ERC1: variants seen among roughly 807,000 people sequenced by gnomAD.
ERC1 encodes the protein ELKS/RAB6-interacting/CAST family member 1, also known as RAB6 interacting protein 2.
A neutral mutation model predicts 132.0 loss-of-function variants in ERC1; 56 were observed. The ratio of observed to expected loss-of-function variants is 0.42; its 90% CI spans 0.34 to 0.53. The LOEUF (loss-of-function observed/expected upper bound fraction) is 0.53, where lower values mean the gene tolerates loss of function less well. Among genes scored for constraint, ERC1 ranks in the 20% least tolerant of loss-of-function variants. The pLI, the probability that ERC1 is intolerant of heterozygous loss-of-function variation, is 0.03. For synonymous variants in ERC1, 478 were observed against 476.1 expected (o/e 1.00, Z -0.05); for missense variants, 1,202 against 1,349.9 (o/e 0.89, Z 1.72).
intron 16 of ERC1, chr12:1,380,800 AT>A (rs2088560406): frequency 6.6e-6 from 1 of 152,288 alleles, no homozygotes; most frequent in African/African-American, 2.4e-5. Context: ...TCATCATACT[AT>A]TAAAACTGTT....
chr12:1,145,265 C>T (rs529238938), intron 8 of ERC1, among the ~76,000 whole-genome samples: 5 of 152,288 alleles, frequency 3.3e-5, no homozygotes, highest in South Asian at 4.2e-4. Context: ...GATCCACCCG[C>T]CTCGGCCTCC....
intron 11 of ERC1, among the ~76,000 whole-genome samples, chr12:1,184,911 C>G (rs1954902211): frequency 6.6e-6 from 1 of 152,068 alleles, no homozygotes; most frequent in Non-Finnish European, 1.5e-5. Flanking sequence ...TGCCACAACA[C>G]CTGGCTAAGT....
At chr12:1,305,520 G>A (rs113747090) in intron 15 of ERC1, among the ~76,000 whole-genome samples, 2 of 152,116 alleles carry the variant, frequency 1.3e-5, no homozygotes, top group South Asian at 2.1e-4. Context: ...CCCCACCCCC[G>A]TAAGTTATTT....
intron 15 of ERC1, among the ~76,000 whole-genome samples, chr12:1,338,329 G>A (rs1208609015): frequency 6.6e-6 from 1 of 152,120 alleles, no homozygotes; most frequent in Non-Finnish European, 1.5e-5. Flanking sequence ...CTATTCTGCT[G>A]TTAATACTTG....
At chr12:991,085 GC>G (rs1374581100), upstream of ERC1, 1 of 151,532 alleles carries the variant, frequency 6.6e-6, no homozygotes, top group Admixed American at 6.6e-5. Flanking sequence ...AGGCCCCCGG[GC>G]CGCCGCGTCA....
At position 1,124,823 on chromosome 12, in the gene ERC1, CAAG is replaced by C. The variant is rs566540896; in HGVS notation, c.1569+8796_1569+8798del. Among the ~76,000 whole-genome samples the C allele has an allele frequency of 7.9e-5, 12 of 151,940 alleles. No individual in the cohort carries two copies. The East Asian group carries it at 2.1e-3, about 27-fold the overall frequency. On this transcript the variant is annotated intron_variant, in intron 7 of 18. Coordinates refer to ENST00000360905, the MANE Select transcript of ERC1 (RefSeq NM_178040.4). Reference sequence around the variant, plus strand: ...ATTATATTCGAATAAGCTTGAAAAACAAGAAGAAATAAGTTTCTGGAAAAATAT... The same window carrying C: ...ATTATATTCGAATAAGCTTGAAAAACAAGAAATAAGTTTCTGGAAAAATAT...
intron 1 of ERC1, among the ~76,000 whole-genome samples, chr12:1,014,979 GT>G (rs1484852866): frequency 6.6e-6 from 1 of 151,582 alleles, no homozygotes; most frequent in Non-Finnish European, 1.5e-5. Context: ...GGCTAGGCTG[GT>G]CCCGAACTCC....
chr12:1,281,583 T>C (rs931552695), intron 14 of ERC1, among the ~76,000 whole-genome samples: 7 of 152,348 alleles, frequency 4.6e-5, no homozygotes, highest in African/African-American at 9.6e-5. Flanking sequence ...TCCTCCCTTC[T>C]TCCAGGAGCT....
In ERC1 at chr12:1,225,450, ACACACACACAC is replaced by A. The variant is rs1238961781; in HGVS notation, c.2352-11318_2352-11308del. 2.1e-3 allele frequency among the ~76,000 whole-genome samples: 108 copies of A among 50,826 alleles called. 2 individuals are homozygous for A. Among genetic ancestry groups the A allele is most frequent in the African/African-American group, 5.0e-3 (80 of 16,134 alleles). The allele number at this position is 50,826 out of a possible 152,430, so 33.3% of individuals were successfully genotyped here. A position where few individuals can be genotyped will look rare whatever the true frequency, so the allele number is the denominator to read the frequency against. ...GGACAACAAAATGAGGCTGTCTCTTACACACACACACACACACACACACACACACACACACA... is the reference window on the plus strand; with the variant it reads ...GGACAACAAAATGAGGCTGTCTCTTAACACACACACACACACACACACACA... On this transcript the variant is annotated intron_variant, in intron 12 of 18. Coordinates refer to ENST00000360905, the MANE Select transcript of ERC1 (RefSeq NM_178040.4).
At chr12:1,339,802 G>T (rs1034531751) in intron 15 of ERC1, among the ~76,000 whole-genome samples, 1 of 152,160 alleles carries the variant, frequency 6.6e-6, no homozygotes, top group Non-Finnish European at 1.5e-5. Flanking sequence ...GGGAGGGTCT[G>T]CTGTCCTCTG....
intron 8 of ERC1, among the ~76,000 whole-genome samples, chr12:1,162,347 C>T (rs2154261265): frequency 6.6e-6 from 1 of 152,308 alleles, no homozygotes; most frequent in Non-Finnish European, 1.5e-5. Flanking sequence ...TAAAATTGTA[C>T]AGCTTCTTGC....
At chr12:1,126,587 G>A (rs1159490257) in intron 7 of ERC1, among the ~76,000 whole-genome samples, 2 of 152,150 alleles carry the variant, frequency 1.3e-5, no homozygotes, top group Non-Finnish European at 2.9e-5. Flanking sequence ...TCAAATTTAA[G>A]CATTTCTGTT....
intron 12 of ERC1, among the ~76,000 whole-genome samples, chr12:1,219,590 C>G (rs1013795753): frequency 6.6e-6 from 1 of 151,498 alleles, no homozygotes; most frequent in Non-Finnish European, 1.5e-5. Context: ...GCTTCTATAT[C>G]ACTTCTGTAC....
chr12:1,373,132 A>G (rs1253438169), intron 16 of ERC1, among the ~76,000 whole-genome samples: 1 of 152,230 alleles, frequency 6.6e-6, no homozygotes, highest in African/African-American at 2.4e-5. Flanking sequence ...CAAGAAGAGG[A>G]CATCATCTAA....
intron 18 of ERC1, among the ~76,000 whole-genome samples, chr12:1,472,297 TTTTTG>T (rs2093878548): frequency 6.6e-6 from 1 of 152,208 alleles, no homozygotes; most frequent in South Asian, 2.1e-4. Flanking sequence ...TCTTGATTTG[TTTTTG>T]TTTTGTTTTT....
intron 2 of ERC1, among the ~76,000 whole-genome samples, chr12:1,061,190 G>A (rs563782205): frequency 3.9e-5 from 6 of 152,212 alleles, no homozygotes; most frequent in Non-Finnish European, 7.4e-5. Context: ...TCATAATGGC[G>A]TCTAATGATT....
chr12:1,456,599 C>T (rs2093541654), intron 18 of ERC1, among the ~76,000 whole-genome samples: 1 of 151,968 alleles, frequency 6.6e-6, no homozygotes, highest in Admixed American at 6.6e-5. Context: ...AGGTAATTTT[C>T]TTATCTAGTT....
At chr12:1,041,203 C>T (rs1171038916) in intron 2 of ERC1, among the ~76,000 whole-genome samples, 5 of 138,344 alleles carry the variant, frequency 3.6e-5, no homozygotes, top group African/African-American at 1.2e-4. Flanking sequence ...TTGCAAGTCT[C>T]TCTTTCTTTT....
intron 16 of ERC1, among the ~76,000 whole-genome samples, chr12:1,375,065 C>CA (rs1313808878): frequency 6.6e-6 from 1 of 151,054 alleles, no homozygotes; most frequent in African/African-American, 2.5e-5. Context: ...GCTAATGCAT[C>CA]AAACCCTGGT....
Sources: allele counts gnomAD v4.1 joint callset (sites outside exome capture counted in the v4.1 genomes callset), GRCh38; gene constraint gnomAD v4.1.1; transcripts MANE v1.5; gene names NCBI Gene and HGNC (gene_info 2026-07-23, HGNC 2026-07-21).